Variants in ZNF212 observed in about 807,000 individuals in gnomAD.
The protein encoded by ZNF212 is Zinc finger protein C2H2-150.
ZNF212 carries 32 observed loss-of-function variants against 47.3 expected under a neutral mutation model. The ratio of observed to expected loss-of-function variants is 0.68; its 90% CI spans 0.51 to 0.91. ZNF212 has a LOEUF of 0.91. ZNF212 is among the 40% of genes least tolerant of loss of function. The pLI is 0.00. For synonymous variants in ZNF212, 242 were observed against 253.8 expected (o/e 0.95, Z 0.44); for missense variants, 555 against 622.8 (o/e 0.89, Z 1.16).
At chr7:149,239,867 CG>C in intron 1 of ZNF212, 65 bp downstream of exon 1, 1 of 1,257,604 alleles carries the variant, frequency 8.0e-7, no homozygotes. Context: ...CTGCCGGGGG[CG>C]GGGCTTCGCG....
Position 149,239,908 on chromosome 7 carries a change from C to T in ZNF212, c.24+106C>T, listed in dbSNP as rs1460473317. On this transcript the variant is annotated intron_variant, in intron 1 of 4. Transcript: ENST00000335870. Reference sequence around the variant, plus strand: ...GGACGCCGCCGGGGTCTTGGTTTCCCGGGGCTGCCGTTGGCGCGGGTGAAC... The same window carrying T: ...GGACGCCGCCGGGGTCTTGGTTTCCTGGGGCTGCCGTTGGCGCGGGTGAAC... 6 of 1,227,432 alleles carry T rather than the reference C, an allele frequency of 4.9e-6. No individual in the cohort carries two copies. In the African/African-American group the frequency reaches 7.8e-5, roughly 16 times the overall value. The allele number at this position is 1,227,432 out of a possible 1,614,324, so 76.0% of individuals were successfully genotyped here.
chr7:149,248,189 T>TA (rs1445436485), intron 1 of ZNF212, among the ~76,000 whole-genome samples: 1 of 152,182 alleles, frequency 6.6e-6, no homozygotes, highest in Non-Finnish European at 1.5e-5. Flanking sequence ...ACATTGGAAA[T>TA]ACAATTTCAA....
At position 149,254,550 on chromosome 7, in the gene ZNF212, C is replaced by G; in HGVS notation, c.*135C>G. 1 of 1,327,718 alleles carries G rather than the reference C, an allele frequency of 7.5e-7. No homozygotes were observed. The highest frequency in any genetic ancestry group is 1.0e-6 in the Non-Finnish European group (1 of 1,001,866). 82.2% of individuals were successfully genotyped at this position (1,327,718 alleles called of 1,614,324 possible). A position where few individuals can be genotyped will look rare whatever the true frequency, so the allele number is the denominator to read the frequency against. ...GCCTTCCCTTGTCCCAGTACCAAGC[C>G]AAGCCCAAAGGCTGTCCTGAAAACC... On this transcript the variant is annotated 3_prime_UTR_variant, in exon 5 of 5. Coordinates refer to ENST00000335870, the MANE Select transcript of ZNF212 (RefSeq NM_012256.4). This position sits in a 1 kb window ranked among gnomAD's most constrained non-coding sequence, Gnocchi z 4.5.
In ZNF212 at chr7:149,255,038, G is replaced by T. The variant is rs915631401; in HGVS notation, c.*623G>T. ...CCCTCTAGGAGGGAGTTGTTAATGG[G>T]GCTCTTTTAGCCCACTGATGCTTAC... On this transcript the variant is annotated 3_prime_UTR_variant, in exon 5 of 5. Coordinates refer to ENST00000335870, the MANE Select transcript of ZNF212 (RefSeq NM_012256.4). The T allele has an allele frequency of 6.6e-6, 1 of 152,220 alleles. No homozygotes were observed. Among genetic ancestry groups the T allele is most frequent in the African/African-American group, 2.4e-5 (1 of 41,426 alleles). 9.4% of individuals were successfully genotyped at this position (152,220 alleles called of 1,614,324 possible).
chr7:149,242,271 C>T (rs559069135), intron 1 of ZNF212, among the ~76,000 whole-genome samples: 3 of 151,652 alleles, frequency 2.0e-5, no homozygotes, highest in Admixed American at 6.6e-5. Flanking sequence ...ATCCACCTGC[C>T]TCGGCCTCCC....
chr7:149,241,022 C>T (rs536156088), intron 1 of ZNF212, among the ~76,000 whole-genome samples: 1 of 152,314 alleles, frequency 6.6e-6, no homozygotes, highest in African/African-American at 2.4e-5. Context: ...CTTGGCTTTT[C>T]CACAAGATCT....
At chr7:149,246,284 ATAGT>A (rs1051020387) in intron 1 of ZNF212, among the ~76,000 whole-genome samples, 7 of 152,240 alleles carry the variant, frequency 4.6e-5, no homozygotes, top group Non-Finnish European at 7.3e-5. Context: ...CTTTAGGCAG[ATAGT>A]TCAACAAATT....
intron 1 of ZNF212, among the ~76,000 whole-genome samples, chr7:149,240,965 T>C (rs1274728679): frequency 1.3e-5 from 2 of 152,224 alleles, no homozygotes; most frequent in Non-Finnish European, 2.9e-5. Flanking sequence ...ATGTTTACAA[T>C]ATTAACCTCA....
intron 1 of ZNF212, among the ~76,000 whole-genome samples, chr7:149,241,920 A>C (rs1249389892): frequency 2.0e-5 from 3 of 152,122 alleles, no homozygotes; most frequent in Non-Finnish European, 4.4e-5. Context: ...ATGATTGCAA[A>C]GTAAGTTGTT....
chr7:149,239,997 G>A, intron 1 of ZNF212, 195 bp downstream of exon 1: 2 of 631,216 alleles, frequency 3.2e-6, no homozygotes, highest in South Asian at 7.7e-5. Context: ...CTTCTGCAGC[G>A]GGGTCGGAGC....
chr7:149,242,021 C>CTTTTTTTT (rs34883587), intron 1 of ZNF212, among the ~76,000 whole-genome samples: 4 of 121,342 alleles, frequency 3.3e-5, no homozygotes, highest in Non-Finnish European at 6.8e-5. Flanking sequence ...CTTTTCTTTT[C>CTTTTTTTT]TTTTTTTTTT....
intron 1 of ZNF212, among the ~76,000 whole-genome samples, chr7:149,246,813 C>CTT (rs71194633): frequency 4.2e-4 from 43 of 103,584 alleles, no homozygotes; most frequent in South Asian, 1.4e-3. Context: ...TGTCTGAATT[C>CTT]TTTTTTTTTT....
At chr7:149,248,945 A>G (rs1796714833) in intron 1 of ZNF212, among the ~76,000 whole-genome samples, 1 of 151,964 alleles carries the variant, frequency 6.6e-6, no homozygotes. Context: ...CCTTGGCCCC[A>G]GCAGTTCTTT....
At chr7:149,245,926 C>T (rs1796669935) in intron 1 of ZNF212, among the ~76,000 whole-genome samples, 1 of 152,180 alleles carries the variant, frequency 6.6e-6, no homozygotes, top group Non-Finnish European at 1.5e-5. Flanking sequence ...AGTCAGTTTA[C>T]CACATTATAG....
chr7:149,250,681 G>C lies in ZNF212; in HGVS notation c.415G>C (p.Val139Leu). The change falls in exon 3 of 5, where the codon GTG becomes CTG. Residue 139 changes from valine to leucine, a missense_variant and splice_region_variant. By Grantham distance (32) the Val-to-Leu change is conservative. Transcript: ENST00000335870. ...PPGSKGEAPK[V>L]SRSLENDGVC... ...CATGGTGTGCCATTGGTGATTCCAG[G>C]TGTCCAGGTCACTGGAGAATGATGG... 6.2e-7 allele frequency: 1 copy of C among 1,614,244 alleles called. No homozygotes were observed. The highest frequency in any genetic ancestry group is 8.5e-7 in the Non-Finnish European group (1 of 1,180,040).
chr7:149,251,512 T>TTTTG (rs1796757829), intron 3 of ZNF212, among the ~76,000 whole-genome samples: 1 of 146,068 alleles, frequency 6.8e-6, no homozygotes. Context: ...TTTTTTTTTT[T>TTTTG]TTTGAGACTC....
rs1214882720 is a variant in ZNF212 at position 149,254,843 on chromosome 7, T to G, written c.*428T>G. 1 of 168,288 alleles carries G rather than the reference T, an allele frequency of 5.9e-6. No homozygotes were observed. The highest frequency in any genetic ancestry group is 2.4e-5 in the African/African-American group (1 of 41,938). The allele number at this position is 168,288 out of a possible 1,614,324, so 10.4% of individuals were successfully genotyped here. A position where few individuals can be genotyped will look rare whatever the true frequency, so the allele number is the denominator to read the frequency against. Reference sequence around the variant, plus strand: ...CCATTTTTTCTTGTTTTATAATCTCTTTGTTTAATAATAAGTAGAAGAAAT... The same window carrying G: ...CCATTTTTTCTTGTTTTATAATCTCGTTGTTTAATAATAAGTAGAAGAAAT... On this transcript the variant is annotated 3_prime_UTR_variant, in exon 5 of 5. Coordinates refer to ENST00000335870, the MANE Select transcript of ZNF212 (RefSeq NM_012256.4). This position sits in a 1 kb window ranked among gnomAD's most constrained non-coding sequence, Gnocchi z 4.5.
In ZNF212 at chr7:149,255,221, T is replaced by C. The variant is rs3087882; in HGVS notation, c.*806T>C. ...CCAGTGAAGTTGCTGATGGTATGGC[T>C]GTGGTCTGGGACTTGCGGTGTCTCG... On this transcript the variant is annotated 3_prime_UTR_variant, in exon 5 of 5. Coordinates refer to ENST00000335870, the MANE Select transcript of ZNF212 (RefSeq NM_012256.4). 29,625 of 152,560 alleles carry C rather than the reference T, an allele frequency of 0.19. 3,060 individuals carry two copies. Among genetic ancestry groups the C allele is most frequent in the Admixed American group, 0.31 (4,720 of 15,264 alleles). 9.5% of individuals were successfully genotyped at this position (152,560 alleles called of 1,614,324 possible).
intron 1 of ZNF212, among the ~76,000 whole-genome samples, chr7:149,249,593 A>G (rs1283710124): frequency 6.6e-6 from 1 of 152,156 alleles, no homozygotes; most frequent in Non-Finnish European, 1.5e-5. Flanking sequence ...ATGAAAAAAA[A>G]CTTTAGAAAT....
Sources: gnomAD v4.1 joint callset for allele counts (sites outside exome capture counted in the v4.1 genomes callset) on GRCh38, gnomAD v4.1.1 for gene constraint, Gnocchi (gnomAD v3.1) non-coding constraint, MANE v1.5 for transcripts, NCBI Gene and HGNC (gene_info 2026-07-23, HGNC 2026-07-21) for gene names.